Variants in FRMPD1 observed in about 807,000 individuals in gnomAD.
FRMPD1 encodes FERM and PDZ domain containing 1, also known as FERM and PDZ domain-containing protein 1.
In FRMPD1, 76 loss-of-function variants were observed where a neutral mutation model predicts 117.8. The observed-to-expected ratio is 0.65, with a 90% CI of 0.54 to 0.78. The LOEUF is 0.78. FRMPD1 is among the 30% of genes least tolerant of loss of function. FRMPD1 has a pLI of 0.00. For synonymous variants in FRMPD1, 783 were observed against 770.4 expected, an observed-to-expected ratio of 1.02 and a Z score of -0.27; for missense variants, 1,786 against 1,964.5, an observed-to-expected ratio of 0.91 and a Z score of 1.72.
the FRMPD1 span, among the ~76,000 whole-genome samples, chr9:37,618,688 C>T: frequency 1.1e-3 from 160 of 152,252 alleles, 2 homozygotes; most frequent in South Asian, 5.4e-3. Context: ...TATATGCCAG[C>T]CTCATTGGTT....
At position 37,729,672 on chromosome 9, in the gene FRMPD1, C is replaced by T. The variant is rs1460203253; in HGVS notation, c.613-56C>T. The T allele has an allele frequency of 7.0e-6, 11 of 1,572,646 alleles. No homozygotes were observed. The East Asian group carries it at 2.5e-4, about 35-fold the overall frequency. On this transcript the variant is annotated intron_variant, in intron 7 of 15. Transcript: ENST00000377765. ...GCTGCACTGAGGAATGGCAGGAAGG[C>T]CAGGGAAGTCCTTCCTGTTTCTTGC...
rs374764713 is a variant in FRMPD1 at position 37,744,834 on chromosome 9, C to T, written c.2802C>T (p.Ile934=). 39 of 1,613,964 alleles carry T rather than the reference C, an allele frequency of 2.4e-5. No homozygotes were observed. Among genetic ancestry groups the T allele is most frequent in the African/African-American group, 2.4e-4 (18 of 74,914 alleles). ...AGACCATGGAAACCAAATCAGTCATCGACTCTCGAGTGTCTTCTATTTCTG... is the reference window on the plus strand; with the variant it reads ...AGACCATGGAAACCAAATCAGTCATTGACTCTCGAGTGTCTTCTATTTCTG... ...EPETMETKSV[I]DSRVSSISAI... Residue 934 remains isoleucine, a synonymous_variant, in exon 16 of 16, where the codon ATC becomes ATT. Transcript: ENST00000377765.
rs772398593 is a variant in FRMPD1, at chr9:37,737,204, G to A, written c.1510G>A (p.Gly504Arg). Residue 504 changes from glycine (G) to arginine (R), a missense_variant, in exon 14 of 16, where the codon GGA becomes AGA. Gly to Arg is a moderately radical substitution (Grantham distance 125). Coordinates refer to ENST00000377765, the MANE Select transcript of FRMPD1 (RefSeq NM_014907.3). Reference sequence around the variant, plus strand: ...AGTTACCTCCATTTTCCTCTGGCCTGGAAACAAACAACAAGCGCACCGGGT... The same window carrying A: ...AGTTACCTCCATTTTCCTCTGGCCTAGAAACAAACAACAAGCGCACCGGGT... Reference protein sequence around the residue: ...DPVTSIFLWPGNKQQAHRVSA... With the variant: ...DPVTSIFLWPRNKQQAHRVSA... 1.9e-6 allele frequency: 3 copies of A among 1,614,056 alleles called. No homozygotes were observed. Among genetic ancestry groups the A allele is most frequent in the South Asian group, 2.2e-5 (2 of 91,054 alleles).
intron 2 of FRMPD1, among the ~76,000 whole-genome samples, chr9:37,694,130 G>A (rs1822242030): frequency 1.3e-5 from 2 of 152,206 alleles, no homozygotes; most frequent in Admixed American, 6.5e-5. Context: ...ATGAATGAAT[G>A]GAAAAACTGC....
intron 4 of FRMPD1, among the ~76,000 whole-genome samples, chr9:37,709,095 G>A (rs1195051372): frequency 1.3e-5 from 2 of 152,214 alleles, no homozygotes; most frequent in Middle Eastern, 3.4e-3. Context: ...TATGGTTAGC[G>A]CTGGGAATTG....
At chr9:37,710,948 ACT>A (rs1420940877) in intron 4 of FRMPD1, among the ~76,000 whole-genome samples, 1 of 132,522 alleles carries the variant, frequency 7.5e-6, no homozygotes, top group East Asian at 2.4e-4. Context: ...ACAGGGCAAG[ACT>A]CTGTCTCACA....
chr9:37,626,709 A>C, the FRMPD1 span, among the ~76,000 whole-genome samples: 12 of 148,752 alleles, frequency 8.1e-5, no homozygotes, highest in Admixed American at 6.1e-4. Flanking sequence ...GGATCACCTG[A>C]GCCCAGGTGA....
chr9:37,677,938 G>A (rs1221404409), intron 1 of FRMPD1, among the ~76,000 whole-genome samples: 1 of 152,200 alleles, frequency 6.6e-6, no homozygotes, highest in Admixed American at 6.5e-5. Context: ...GCTTATCTCA[G>A]TGTCCCCCAC....
the FRMPD1 span, among the ~76,000 whole-genome samples, chr9:37,610,725 G>T: frequency 6.6e-6 from 1 of 151,894 alleles, no homozygotes; most frequent in Non-Finnish European, 1.5e-5. Flanking sequence ...CTCCTGAGTA[G>T]CTGCGATTAC....
chr9:37,651,300 T>G (rs1436557527), intron 1 of FRMPD1, among the ~76,000 whole-genome samples: 1 of 152,182 alleles, frequency 6.6e-6, no homozygotes, highest in Non-Finnish European at 1.5e-5. Flanking sequence ...GTGAACTGTT[T>G]GCACAGTAGC....
At chr9:37,736,554 A>C (rs2118438975) in intron 13 of FRMPD1, among the ~76,000 whole-genome samples, 1 of 149,708 alleles carries the variant, frequency 6.7e-6, no homozygotes, top group East Asian at 2.0e-4. Flanking sequence ...AAAAAAGGTA[A>C]CTAGTGCAGG....
At chr9:37,698,424 C>T (rs1031578259) in intron 2 of FRMPD1, among the ~76,000 whole-genome samples, 6 of 151,824 alleles carry the variant, frequency 4.0e-5, no homozygotes, top group South Asian at 2.1e-4. Context: ...GAAATTCTGG[C>T]GTCTGTGAGT....
At position 37,745,854 on chromosome 9, in the gene FRMPD1, T is replaced by C. The variant is rs1824684958; in HGVS notation, c.3822T>C (p.His1274=). 6.2e-7 allele frequency: 1 copy of C among 1,614,012 alleles called. No homozygotes were observed. Among genetic ancestry groups the C allele is most frequent in the African/African-American group, 1.3e-5 (1 of 74,900 alleles). Residue 1274 remains histidine, a synonymous_variant, in exon 16 of 16, where the codon CAT becomes CAC. Coordinates refer to ENST00000377765, the MANE Select transcript of FRMPD1 (RefSeq NM_014907.3). ...ATCCTCACTTAGAAACTTCAAACCA[T>C]TGCTTACTCTCAGAAGGCAAAAGTG... ...QEDPHLETSN[H]CLLSEGKSDS... is the part of the protein sequence containing the mutation.
chr9:37,708,750 C>T (rs1822804421), intron 4 of FRMPD1, among the ~76,000 whole-genome samples: 1 of 152,186 alleles, frequency 6.6e-6, no homozygotes, highest in Non-Finnish European at 1.5e-5. Flanking sequence ...TGTCAAAGCC[C>T]TGCTATGCCC....
In FRMPD1 at chr9:37,740,014, G is replaced by C. The variant is rs1441099320; in HGVS notation, c.1550-64G>C. 1 of 1,255,736 alleles carries C rather than the reference G, an allele frequency of 8.0e-7. No individual in the cohort carries two copies. The highest frequency in any genetic ancestry group is 1.5e-5 in the African/African-American group (1 of 66,914). 77.8% of individuals were successfully genotyped at this position (1,255,736 alleles called of 1,614,324 possible). On this transcript the variant is annotated intron_variant, in intron 14 of 15. Transcript: ENST00000377765. This position sits in a 1 kb window ranked among gnomAD's most constrained non-coding sequence, Gnocchi z 4.2. The stretch of plus-strand genomic sequence containing the variant: ...TGGCAGGGTTGGGTGGGGGTCAGGG[G>C]GCTAGAAGGACACATAGGTAGGAGA...
chr9:37,735,592 C>T lies in FRMPD1; in HGVS notation c.1259C>T (p.Ala420Val), dbSNP rs1476143129. The stretch of plus-strand genomic sequence containing the variant: ...TCCTACATTGCCCTTCTAGTTGGAG[C>T]CAAGTATGGGATTAGCCAGGTTATC... ...RESYIALLVG[A>V]KYGISQVINS... is the part of the protein sequence containing the mutation. The change falls in exon 13 of 16, where the codon GCC becomes GTC. Residue 420 changes from alanine to valine, a missense_variant. Coordinates refer to ENST00000377765, the MANE Select transcript of FRMPD1 (RefSeq NM_014907.3). 1 of 1,613,812 alleles carries T rather than the reference C, an allele frequency of 6.2e-7. No homozygotes were observed. The highest frequency in any genetic ancestry group is 1.3e-5 in the African/African-American group (1 of 75,016).
the FRMPD1 span, among the ~76,000 whole-genome samples, chr9:37,619,970 C>T: frequency 6.6e-5 from 10 of 151,570 alleles, no homozygotes; most frequent in African/African-American, 2.4e-4. Flanking sequence ...TCCTCCCCCA[C>T]ATCCTGGAGT....
At chr9:37,732,872 T>C (rs1823952190) in intron 10 of FRMPD1, among the ~76,000 whole-genome samples, 1 of 152,240 alleles carries the variant, frequency 6.6e-6, no homozygotes. Flanking sequence ...AGAATTGTTC[T>C]GGACAGCATC....
the FRMPD1 span, among the ~76,000 whole-genome samples, chr9:37,641,710 C>T: frequency 2.0e-5 from 3 of 152,160 alleles, no homozygotes; most frequent in African/African-American, 7.2e-5. Context: ...GGAGAGGAAC[C>T]TTCCAAGACT....
Sources: gnomAD v4.1 joint callset for allele counts (sites outside exome capture counted in the v4.1 genomes callset) on GRCh38, gnomAD v4.1.1 for gene constraint, Gnocchi (gnomAD v3.1) non-coding constraint, MANE v1.5 for transcripts, NCBI Gene and HGNC (gene_info 2026-07-23, HGNC 2026-07-21) for gene names.